The following CNTNAP2 variants were observed in gnomAD, a reference collection of about 807,000 sequenced individuals.
CNTNAP2 encodes the protein contactin associated protein 2.
Under a neutral mutation model 155.2 loss-of-function variants are expected in CNTNAP2, and 98 were observed. The observed-to-expected ratio is 0.63, with a 90% CI of 0.54 to 0.75. The LOEUF (loss-of-function observed/expected upper bound fraction) is 0.75, where lower values mean the gene tolerates loss of function less well. Among genes scored for constraint, CNTNAP2 ranks in the 30% least tolerant of loss-of-function variants. The probability of loss-of-function intolerance (pLI) is 0.00; values close to 1 mark genes in which losing one functional copy is unlikely to be tolerated. For synonymous variants in CNTNAP2, 651 were observed against 631.2 expected (o/e 1.03, Z -0.47); for missense variants, 1,727 against 1,688.1 (o/e 1.02, Z -0.40).
chr7:148,201,836 A>T (rs1452711339), intron 18 of CNTNAP2, among the ~76,000 whole-genome samples: 1 of 152,132 alleles, frequency 6.6e-6, no homozygotes, highest in African/African-American at 2.4e-5. Context: ...AAGACATTAG[A>T]AAGAAGTGAT....
At chr7:146,342,628 A>G (rs967585292) in intron 1 of CNTNAP2, among the ~76,000 whole-genome samples, 2 of 152,302 alleles carry the variant, frequency 1.3e-5, no homozygotes, top group Admixed American at 1.3e-4. Context: ...TTAATTGAAT[A>G]GATGTTTTCC....
At position 148,416,152 on chromosome 7, in the gene CNTNAP2, A is replaced by T. The variant is rs2116731812; in HGVS notation, c.*536A>T. On this transcript the variant is annotated 3_prime_UTR_variant, in exon 24 of 24. Transcript: ENST00000361727. ...GTCGGAAAAGAAAGGGGCAAAGAGA[A>T]CCTATTATTTGCCAGTTTTTAAGCA... is the stretch of plus-strand genomic sequence containing the variant. 1 of 157,014 alleles carries T rather than the reference A, an allele frequency of 6.4e-6. No homozygotes were observed. The highest frequency in any genetic ancestry group is 1.4e-5 in the Non-Finnish European group (1 of 70,968). The allele number at this position is 157,014 out of a possible 1,614,324, so 9.7% of individuals were successfully genotyped here.
chr7:147,195,349 T>C (rs1239114582), intron 8 of CNTNAP2, among the ~76,000 whole-genome samples: 2 of 152,194 alleles, frequency 1.3e-5, no homozygotes, highest in Admixed American at 1.3e-4. Flanking sequence ...TGAAGTTAGG[T>C]AGCGTGATGC....
intron 12 of CNTNAP2, among the ~76,000 whole-genome samples, chr7:147,618,773 T>A (rs1801341242): frequency 6.6e-6 from 1 of 151,132 alleles, no homozygotes; most frequent in Non-Finnish European, 1.5e-5. Flanking sequence ...GAAGGAATTG[T>A]TTTTTGCTTT....
At chr7:147,411,826 T>C (rs1450608104) in intron 10 of CNTNAP2, among the ~76,000 whole-genome samples, 2 of 152,126 alleles carry the variant, frequency 1.3e-5, no homozygotes, top group African/African-American at 4.8e-5. Flanking sequence ...GGATTATCAC[T>C]AGGAAGGAAG....
intron 7 of CNTNAP2, among the ~76,000 whole-genome samples, chr7:147,129,362 A>G (rs1801302504): frequency 1.3e-5 from 2 of 152,204 alleles, no homozygotes; most frequent in Admixed American, 1.3e-4. Flanking sequence ...TTTCCACTGC[A>G]TAGCCAAAGC....
intron 15 of CNTNAP2, among the ~76,000 whole-genome samples, chr7:148,023,316 C>T (rs1355150696): frequency 6.6e-6 from 1 of 152,176 alleles, no homozygotes; most frequent in African/African-American, 2.4e-5. Flanking sequence ...ATTTTAATGG[C>T]ATAATTTTTA....
intron 1 of CNTNAP2, among the ~76,000 whole-genome samples, chr7:146,369,366 A>C (rs1316198659): frequency 6.6e-6 from 1 of 152,136 alleles, no homozygotes; most frequent in Non-Finnish European, 1.5e-5. Flanking sequence ...CAATAATTCA[A>C]GTTGCAAGAA....
intron 1 of CNTNAP2, among the ~76,000 whole-genome samples, chr7:146,662,158 C>T (rs1357333472): frequency 2.0e-5 from 3 of 150,162 alleles, no homozygotes; most frequent in Non-Finnish European, 4.4e-5. Flanking sequence ...TTTTTTTAGA[C>T]GGAGTCTTGC....
intron 1 of CNTNAP2, among the ~76,000 whole-genome samples, chr7:146,155,210 T>G (rs1039983390): frequency 1.3e-5 from 2 of 152,210 alleles, no homozygotes; most frequent in African/African-American, 4.8e-5. Flanking sequence ...GACTCTTCAA[T>G]AGGTTACACT....
At chr7:147,620,740 A>G (rs1801377824) in intron 12 of CNTNAP2, among the ~76,000 whole-genome samples, 1 of 152,138 alleles carries the variant, frequency 6.6e-6, no homozygotes, top group South Asian at 2.1e-4. Context: ...GCACATCTAC[A>G]GGATCTAGAA....
intron 9 of CNTNAP2, among the ~76,000 whole-genome samples, chr7:147,321,341 G>T (rs1795347376): frequency 6.6e-6 from 1 of 152,200 alleles, no homozygotes; most frequent in Non-Finnish European, 1.5e-5. Flanking sequence ...ACATCCTGGG[G>T]CCACAGGCTT....
intron 3 of CNTNAP2, among the ~76,000 whole-genome samples, chr7:146,974,669 T>A (rs13233790): frequency 0.23 from 34,578 of 152,056 alleles, 5,081 homozygotes; most frequent in Non-Finnish European, 0.32. Flanking sequence ...GTTGGTACAT[T>A]TAAATTGCAA....
intron 2 of CNTNAP2, among the ~76,000 whole-genome samples, chr7:146,780,808 G>C (rs778552183): frequency 1.2e-4 from 19 of 152,052 alleles, no homozygotes; most frequent in Admixed American, 3.9e-4. Context: ...ACTTATAAAT[G>C]GGAGCTGAAC....
intron 1 of CNTNAP2, among the ~76,000 whole-genome samples, chr7:146,469,726 C>G (rs1796766325): frequency 2.6e-5 from 4 of 151,926 alleles, no homozygotes; most frequent in South Asian, 4.2e-4. Context: ...CAGGTTTTCT[C>G]CATGTTGGCT....
chr7:146,128,533 T>C (rs1797670301), intron 1 of CNTNAP2, among the ~76,000 whole-genome samples: 1 of 152,118 alleles, frequency 6.6e-6, no homozygotes, highest in African/African-American at 2.4e-5. Flanking sequence ...TCTAATTAAA[T>C]ATAATTTAAG....
At chr7:146,911,199 C>T (rs1796267749) in intron 3 of CNTNAP2, among the ~76,000 whole-genome samples, 1 of 152,096 alleles carries the variant, frequency 6.6e-6, no homozygotes, top group South Asian at 2.1e-4. Context: ...CACTTTTACA[C>T]TGTTGGTGGG....
chr7:146,933,218 T>C (rs1033877626), intron 3 of CNTNAP2, among the ~76,000 whole-genome samples: 3 of 151,918 alleles, frequency 2.0e-5, no homozygotes, highest in Non-Finnish European at 4.4e-5. Context: ...CAAAACAGCA[T>C]GGTACTGGTA....
At chr7:146,877,394 G>C (rs1795451095) in intron 3 of CNTNAP2, among the ~76,000 whole-genome samples, 1 of 151,808 alleles carries the variant, frequency 6.6e-6, no homozygotes, top group South Asian at 2.1e-4. Flanking sequence ...AGTCTTATCT[G>C]CTGGAGTGGC....
Sources: gnomAD v4.1 joint callset for allele counts (sites outside exome capture counted in the v4.1 genomes callset) on GRCh38, gnomAD v4.1.1 for gene constraint, MANE v1.5 for transcripts, NCBI Gene and HGNC (gene_info 2026-07-23, HGNC 2026-07-21) for gene names.